SH3PXD2A: variants seen among roughly 807,000 people sequenced by gnomAD.
SH3PXD2A encodes the protein SH3 and PX domain-containing protein 2A.
In SH3PXD2A, 32 loss-of-function variants were observed where a neutral mutation model predicts 115.2. The ratio of observed to expected loss-of-function variants is 0.28; its 90% confidence interval spans 0.21 to 0.37. The LOEUF (loss-of-function observed/expected upper bound fraction) is 0.37. Among genes scored for constraint, SH3PXD2A ranks in the 10% least tolerant of loss-of-function variants. The probability of loss-of-function intolerance (pLI) is 1.00; values close to 1 mark genes in which losing one functional copy is unlikely to be tolerated. For missense variants in SH3PXD2A, 1,328 were observed against 1,498.7 expected, an observed-to-expected ratio of 0.89 and a Z score of 1.88; for synonymous variants, 610 against 629.1, an observed-to-expected ratio of 0.97 and a Z score of 0.45.
In SH3PXD2A at chr10:103,724,349, G is replaced by A. The variant is rs1223386658; in HGVS notation, c.319C>T (p.Leu107=). Residue 107 remains leucine, a synonymous_variant, in exon 5 of 15, where the codon CTG becomes TTG. Coordinates refer to ENST00000369774, the MANE Select transcript of SH3PXD2A (RefSeq NM_001394015.1). ...TCACACTGTGAGATGTGGGGGGGCA[G>A]CCGGACAAGTGCCTGTGGAGAGACA... ...IDEYCRALVR[L]PPHISQCDEV... is the part of the protein sequence containing the mutation. 1 of 1,579,364 alleles carries A rather than the reference G, an allele frequency of 6.3e-7. No homozygotes were observed. The highest frequency in any genetic ancestry group is 1.9e-5 in the Admixed American group (1 of 53,208).
intron 3 of SH3PXD2A, among the ~76,000 whole-genome samples, chr10:103,747,600 G>A (rs1194879763): frequency 6.6e-6 from 1 of 152,148 alleles, no homozygotes. Flanking sequence ...GAGGCTGTGG[G>A]GCAGGCAGAT....
intron 8 of SH3PXD2A, among the ~76,000 whole-genome samples, chr10:103,632,087 G>C (rs1227455888): frequency 6.6e-6 from 1 of 152,016 alleles, no homozygotes; most frequent in African/African-American, 2.4e-5. Flanking sequence ...GGATGGCTTG[G>C]GCACGGGAGG....
At chr10:103,619,582 T>C (rs1395769473) in intron 10 of SH3PXD2A, among the ~76,000 whole-genome samples, 3 of 152,182 alleles carry the variant, frequency 2.0e-5, no homozygotes, top group South Asian at 2.1e-4. Context: ...TAGCCCATCA[T>C]GTGGGCTCAG....
intron 4 of SH3PXD2A, among the ~76,000 whole-genome samples, chr10:103,729,501 C>T (rs1251617770): frequency 1.3e-5 from 2 of 152,204 alleles, no homozygotes; most frequent in Non-Finnish European, 2.9e-5. Flanking sequence ...CAGAGGGTTC[C>T]GAAGGCCTCA....
At chr10:103,685,785 A>G (rs2037670174) in intron 6 of SH3PXD2A, among the ~76,000 whole-genome samples, 1 of 152,194 alleles carries the variant, frequency 6.6e-6, no homozygotes, top group South Asian at 2.1e-4. Flanking sequence ...GAGCCGGGAC[A>G]TGAAACTAAG....
chr10:103,648,859 C>T (rs1406896766), intron 8 of SH3PXD2A, among the ~76,000 whole-genome samples: 1 of 152,232 alleles, frequency 6.6e-6, no homozygotes, highest in African/African-American at 2.4e-5. Flanking sequence ...CACCCTTTGG[C>T]TGCCATAGTA....
At position 103,824,067 on chromosome 10, in the gene SH3PXD2A, G is replaced by T. The variant is rs577893841; in HGVS notation, c.73-22705C>A. 2.6e-5 allele frequency among the ~76,000 whole-genome samples: 4 copies of T among 152,314 alleles called. No individual in the cohort carries two copies. The East Asian group carries it at 7.7e-4, about 29-fold the overall frequency. On this transcript the variant is annotated intron_variant, in intron 1 of 14. Coordinates refer to ENST00000369774, the MANE Select transcript of SH3PXD2A (RefSeq NM_001394015.1). ...GGGAGGAAATGTATTGGCTTGCGGG[G>T]CTATTTTGAAGCTCTGAGGAATGTG...
intron 2 of SH3PXD2A, among the ~76,000 whole-genome samples, chr10:103,791,943 A>G (rs1044655110): frequency 6.6e-6 from 1 of 152,038 alleles, no homozygotes; most frequent in Non-Finnish European, 1.5e-5. Flanking sequence ...TCCTCTCCCA[A>G]TATTCCACAA....
At chr10:103,773,374 C>T (rs1280615980) in intron 2 of SH3PXD2A, among the ~76,000 whole-genome samples, 1 of 151,998 alleles carries the variant, frequency 6.6e-6, no homozygotes, top group African/African-American at 2.4e-5. Flanking sequence ...GGGGACACAT[C>T]AGCGAGCATC....
intron 1 of SH3PXD2A, among the ~76,000 whole-genome samples, chr10:103,835,433 C>G (rs1311019459): frequency 6.6e-6 from 1 of 152,220 alleles, no homozygotes; most frequent in Non-Finnish European, 1.5e-5. Context: ...TTCCCTTATT[C>G]GAAGTGAAAT....
At chr10:103,673,614 G>GT (rs1165198488) in intron 6 of SH3PXD2A, 1 of 152,178 alleles carries the variant, frequency 6.6e-6, no homozygotes, top group Non-Finnish European at 1.5e-5. Context: ...TAGATTCATA[G>GT]TAAGGCTTCT....
At chr10:103,766,155 G>A (rs1425067568) in intron 3 of SH3PXD2A, among the ~76,000 whole-genome samples, 1 of 152,232 alleles carries the variant, frequency 6.6e-6, no homozygotes, top group Non-Finnish European at 1.5e-5. Flanking sequence ...AAGTCAGCAA[G>A]CAGGCACTGG....
At chr10:103,816,615 C>T (rs954790396) in intron 1 of SH3PXD2A, among the ~76,000 whole-genome samples, 2 of 152,114 alleles carry the variant, frequency 1.3e-5, no homozygotes, top group Non-Finnish European at 2.9e-5. Flanking sequence ...GATGGTTAAA[C>T]GTAGCGTCAC....
At chr10:103,807,065 T>A (rs569427511) in intron 1 of SH3PXD2A, among the ~76,000 whole-genome samples, 52 of 152,204 alleles carry the variant, frequency 3.4e-4, no homozygotes, top group Non-Finnish European at 6.3e-4. Flanking sequence ...GGTGCTTCTG[T>A]CCTCTATTAG....
At position 103,600,012 on chromosome 10, in the gene SH3PXD2A, T is replaced by TG. The variant is rs2036192685; in HGVS notation, c.*1803dup. On this transcript the variant is annotated 3_prime_UTR_variant, in exon 15 of 15. Coordinates refer to ENST00000369774, the MANE Select transcript of SH3PXD2A (RefSeq NM_001394015.1). Reference sequence around the variant, plus strand: ...GGGGTGTGGTGGGGTAGGGTAGGGGTGGGGGTGGGTTTTGAAGGCACTGAG... The same window carrying TG: ...GGGGTGTGGTGGGGTAGGGTAGGGGTGGGGGGTGGGTTTTGAAGGCACTGAG... The TG allele has an allele frequency of 1.7e-5, 1 of 57,862 alleles. No homozygotes were observed. Among genetic ancestry groups the TG allele is most frequent in the Non-Finnish European group, 3.6e-5 (1 of 27,962 alleles). 3.6% of individuals were successfully genotyped at this position (57,862 alleles called of 1,614,324 possible). A position where few individuals can be genotyped will look rare whatever the true frequency, so the allele number is the denominator to read the frequency against.
intron 2 of SH3PXD2A, among the ~76,000 whole-genome samples, chr10:103,771,772 C>G (rs1203915981): frequency 1.3e-5 from 2 of 151,484 alleles, no homozygotes; most frequent in Non-Finnish European, 1.5e-5. Context: ...CACACACACA[C>G]ACACACACAG....
At chr10:103,662,189 GTCC>G (rs943696870) in intron 7 of SH3PXD2A, among the ~76,000 whole-genome samples, 6 of 152,072 alleles carry the variant, frequency 3.9e-5, no homozygotes, top group African/African-American at 9.7e-5. Flanking sequence ...CAGCTTCTCT[GTCC>G]TCCTCAGCCA....
intron 6 of SH3PXD2A, among the ~76,000 whole-genome samples, chr10:103,675,258 G>A (rs76915837): frequency 0.019 from 2,895 of 152,262 alleles, 49 homozygotes; most frequent in South Asian, 0.038. Context: ...TCTGTCAGGG[G>A]TTTCATCAAT....
intron 2 of SH3PXD2A, among the ~76,000 whole-genome samples, 188 bp from the exon 3 acceptor site, chr10:103,767,357 C>G (rs2038764925): frequency 1.3e-5 from 2 of 152,176 alleles, no homozygotes; most frequent in South Asian, 4.1e-4. Context: ...CCAAAGCTCT[C>G]TCTGCATCAA....
Sources: gnomAD v4.1 joint callset for allele counts (sites outside exome capture counted in the v4.1 genomes callset) on GRCh38, gnomAD v4.1.1 for gene constraint, MANE v1.5 for transcripts, NCBI Gene and HGNC (gene_info 2026-07-23, HGNC 2026-07-21) for gene names.